Variants in TENM2 observed in about 807,000 individuals in gnomAD.
The protein encoded by TENM2 is teneurin-2.
TENM2 carries 52 observed loss-of-function variants against 245.2 expected under a neutral mutation model. The observed-to-expected ratio is 0.21, with a 90% CI of 0.17 to 0.27. The LOEUF is 0.27. Among genes scored for constraint, TENM2 ranks in the 10% least tolerant of loss-of-function variants. The pLI is 1.00. For missense variants in TENM2, 3,046 were observed against 3,666.8 expected, an observed-to-expected ratio of 0.83 and a Z score of 4.37; for synonymous variants, 1,363 against 1,438.9, an observed-to-expected ratio of 0.95 and a Z score of 1.19.
the TENM2 span, among the ~76,000 whole-genome samples, chr5:167,227,197 G>C: frequency 6.6e-6 from 1 of 151,790 alleles, no homozygotes; most frequent in Non-Finnish European, 1.5e-5. Flanking sequence ...GATAAGTGTG[G>C]TTTTTTTCCT....
At chr5:167,515,935 T>G (rs1293638015) in intron 2 of TENM2, among the ~76,000 whole-genome samples, 2 of 152,114 alleles carry the variant, frequency 1.3e-5, no homozygotes, top group African/African-American at 4.8e-5. Flanking sequence ...ATGTTATGCA[T>G]GTAAAAGTTC....
intron 2 of TENM2, among the ~76,000 whole-genome samples, chr5:167,521,137 T>C (rs1770726168): frequency 1.3e-5 from 2 of 151,824 alleles, no homozygotes; most frequent in Admixed American, 6.6e-5. Context: ...GGCAACCATA[T>C]GCCATGATAC....
At chr5:167,150,819 A>T in the TENM2 span, among the ~76,000 whole-genome samples, 1 of 152,226 alleles carries the variant, frequency 6.6e-6, no homozygotes, top group Non-Finnish European at 1.5e-5. Context: ...TAATGACTGC[A>T]GCAAGCACAA....
At chr5:167,109,077 A>G in the TENM2 span, among the ~76,000 whole-genome samples, 3 of 152,330 alleles carry the variant, frequency 2.0e-5, no homozygotes, top group East Asian at 5.8e-4. Flanking sequence ...CGGATAATTG[A>G]GAGGAAAAAC....
At chr5:167,806,297 C>A (rs1395842824) in intron 2 of TENM2, among the ~76,000 whole-genome samples, 1 of 151,978 alleles carries the variant, frequency 6.6e-6, no homozygotes, top group Non-Finnish European at 1.5e-5. Flanking sequence ...TATACTAAGC[C>A]CTTTCACATA....
intron 2 of TENM2, among the ~76,000 whole-genome samples, chr5:167,560,626 C>A (rs2127639640): frequency 6.6e-6 from 1 of 152,304 alleles, no homozygotes; most frequent in South Asian, 2.1e-4. Flanking sequence ...AAATGCAGAT[C>A]ATAATTGCTA....
At chr5:167,364,191 G>T (rs1043429316) in intron 1 of TENM2, among the ~76,000 whole-genome samples, 1 of 151,910 alleles carries the variant, frequency 6.6e-6, no homozygotes, top group African/African-American at 2.4e-5. Flanking sequence ...TTTATATTAA[G>T]AAATCATGAA....
At chr5:167,957,905 A>G (rs944809642) in intron 4 of TENM2, among the ~76,000 whole-genome samples, 21 of 152,184 alleles carry the variant, frequency 1.4e-4, no homozygotes, top group Admixed American at 6.5e-4. Flanking sequence ...TATGTGGTCA[A>G]TTTTAGAATA....
At chr5:167,670,884 A>C (rs992914306) in intron 2 of TENM2, among the ~76,000 whole-genome samples, 10 of 152,040 alleles carry the variant, frequency 6.6e-5, no homozygotes, top group African/African-American at 2.4e-4. Flanking sequence ...TCTTTTTTGC[A>C]TCCCAAGCCA....
intron 9 of TENM2, among the ~76,000 whole-genome samples, chr5:168,111,603 G>C (rs1234817759): frequency 2.6e-5 from 4 of 152,030 alleles, no homozygotes; most frequent in Non-Finnish European, 5.9e-5. Flanking sequence ...AATAGGTCAG[G>C]AAAACTGAGA....
At position 167,855,497 on chromosome 5, in the gene TENM2, C is replaced by T. The variant is rs1420462440; in HGVS notation, c.503-20489C>T. Among the ~76,000 whole-genome samples the T allele has an allele frequency of 4.0e-5, 6 of 151,758 alleles. No homozygotes were observed. The South Asian group carries it at 1.0e-3, about 26-fold the overall frequency. On this transcript the variant is annotated intron_variant, in intron 2 of 28. Coordinates refer to ENST00000518659, the Ensembl canonical transcript of TENM2. The stretch of plus-strand genomic sequence containing the variant: ...ATGTTTAATTTGCTGTTGTTTTTGC[C>T]GTTATTTATGTGTTGATTGCCCCTT...
the TENM2 span, among the ~76,000 whole-genome samples, chr5:167,239,834 G>T: frequency 6.6e-6 from 1 of 152,146 alleles, no homozygotes. Flanking sequence ...GTGCAATGGC[G>T]TGATCTCAGC....
chr5:167,981,736 A>G (rs758343460), intron 4 of TENM2, among the ~76,000 whole-genome samples: 6 of 152,156 alleles, frequency 3.9e-5, no homozygotes, highest in Non-Finnish European at 5.9e-5. Context: ...TAATGCCAGC[A>G]CTTTGGGACG....
exon 29 of TENM2, chr5:168,262,598 G>T: frequency 6.3e-7 from 1 of 1,580,150 alleles, no homozygotes. Flanking sequence ...GAGGGCCCTG[G>T]GCACGGCCTG....
chr5:167,506,019 T>TAA (rs113853904), intron 2 of TENM2, among the ~76,000 whole-genome samples: 51 of 149,328 alleles, frequency 3.4e-4, no homozygotes, highest in Admixed American at 2.3e-3. Flanking sequence ...CATGTTTAAT[T>TAA]AAAAAAAAAA....
intron 3 of TENM2, among the ~76,000 whole-genome samples, chr5:167,927,450 G>T (rs1017960553): frequency 6.6e-6 from 1 of 152,090 alleles, no homozygotes; most frequent in African/African-American, 2.4e-5. Flanking sequence ...GTAATGCAGC[G>T]GTGCTAATGT....
intron 12 of TENM2, chr5:168,129,887 C>G (rs1754415425): frequency 6.6e-6 from 1 of 152,130 alleles, no homozygotes; most frequent in African/African-American, 2.4e-5. Flanking sequence ...ATAGAAAATA[C>G]AGAAAAATGA....
intron 19 of TENM2, 130 bp downstream of exon 21, chr5:168,204,751 C>G (rs935835320): frequency 9.1e-6 from 11 of 1,213,340 alleles, no homozygotes; most frequent in Non-Finnish European, 1.1e-5. Context: ...AAACCTAGGC[C>G]CAGAATCAAA....
intron 5 of TENM2, among the ~76,000 whole-genome samples, chr5:168,045,643 C>T (rs1171700769): frequency 6.6e-6 from 1 of 152,190 alleles, no homozygotes; most frequent in Non-Finnish European, 1.5e-5. Context: ...TCTTAAGACC[C>T]TCCTTGAAAG....
Sources: gnomAD v4.1 joint callset for allele counts (sites outside exome capture counted in the v4.1 genomes callset) on GRCh38, gnomAD v4.1.1 for gene constraint, MANE v1.5 for transcripts, NCBI Gene and HGNC (gene_info 2026-07-23, HGNC 2026-07-21) for gene names.